The following PPP2R5E variants were observed in gnomAD, a reference collection of about 807,000 sequenced individuals.
PPP2R5E encodes serine/threonine-protein phosphatase 2A 56 kDa regulatory subunit epsilon isoform.
In PPP2R5E, 4 loss-of-function variants were observed where a neutral mutation model predicts 65.3. That is an observed-to-expected ratio of 0.06 (90% CI 0.03 to 0.14). The LOEUF is 0.14. Among genes scored for constraint, PPP2R5E ranks in the 10% least tolerant of loss-of-function variants. The pLI, the probability that PPP2R5E is intolerant of heterozygous loss-of-function variation, is 1.00. For synonymous variants in PPP2R5E, 183 were observed against 187.4 expected, an observed-to-expected ratio of 0.98 and a Z score of 0.19; for missense variants, 274 against 556.1, an observed-to-expected ratio of 0.49 and a Z score of 5.10.
intron 2 of PPP2R5E, among the ~76,000 whole-genome samples, chr14:63,484,098 C>A (rs1252684658): frequency 1.3e-5 from 2 of 150,582 alleles, no homozygotes; most frequent in African/African-American, 4.9e-5. Context: ...AAAAAACTCC[C>A]AAGGAGTTAG....
chr14:63,423,486 C>T (rs570385821), intron 3 of PPP2R5E, among the ~76,000 whole-genome samples: 10 of 152,226 alleles, frequency 6.6e-5, no homozygotes, highest in African/African-American at 1.9e-4. Flanking sequence ...TTTCTTGCCC[C>T]ACTCACCCAC....
intron 4 of PPP2R5E, among the ~76,000 whole-genome samples, chr14:63,416,010 G>T (rs940695055): frequency 6.6e-6 from 1 of 152,202 alleles, no homozygotes; most frequent in East Asian, 1.9e-4. Flanking sequence ...CGGATCATAA[G>T]ATGGTGTGGC....
At chr14:63,415,308 AAC>A in intron 4 of PPP2R5E, 76 bp from the exon 5 acceptor site, 1 of 1,020,770 alleles carries the variant, frequency 9.8e-7, no homozygotes, top group East Asian at 2.6e-5. Flanking sequence ...AAAAGCCTGT[AAC>A]ACTAAAAGTG....
chr14:63,430,400 TGC>T (rs2139919672), intron 3 of PPP2R5E, among the ~76,000 whole-genome samples: 1 of 141,848 alleles, frequency 7.0e-6, no homozygotes, highest in East Asian at 2.0e-4. Flanking sequence ...CATACATACA[TGC>T]ATACATACAT....
At chr14:63,433,646 C>T (rs1485344959) in intron 3 of PPP2R5E, among the ~76,000 whole-genome samples, 1 of 151,936 alleles carries the variant, frequency 6.6e-6, no homozygotes, top group Non-Finnish European at 1.5e-5. Context: ...TCCCCAAGTC[C>T]AGATTCCCTC....
At chr14:63,520,729 T>C (rs954971698) in intron 2 of PPP2R5E, among the ~76,000 whole-genome samples, 16 of 152,058 alleles carry the variant, frequency 1.1e-4, no homozygotes, top group Admixed American at 9.2e-4. Context: ...GAAAAACACA[T>C]GCGTGGCCAG....
At chr14:63,382,544 G>A (rs1010721884) in intron 12 of PPP2R5E, among the ~76,000 whole-genome samples, 2 of 152,068 alleles carry the variant, frequency 1.3e-5, no homozygotes, top group Non-Finnish European at 2.9e-5. Context: ...TGGGATTACA[G>A]AAGCGAGCCA....
In PPP2R5E at chr14:63,374,661, ATATATAT is replaced by A. The variant is rs1335321735; in HGVS notation, c.*1341_*1347del. The A allele has an allele frequency of 3.8e-5, 5 of 131,946 alleles. No homozygotes were observed. Among genetic ancestry groups the A allele is most frequent in the African/African-American group, 1.6e-4 (5 of 30,382 alleles). The allele number at this position is 131,946 out of a possible 1,614,324, so 8.2% of individuals were successfully genotyped here. On this transcript the variant is annotated 3_prime_UTR_variant, in exon 14 of 14. Transcript: ENST00000337537. ...TATATATATATATATATATATATAT[ATATATAT>A]AAAATACAGCCCTAGATTTTGTTTT... is the stretch of plus-strand genomic sequence containing the variant.
At chr14:63,464,820 C>T (rs1001536278) in intron 2 of PPP2R5E, among the ~76,000 whole-genome samples, 5 of 151,994 alleles carry the variant, frequency 3.3e-5, no homozygotes, top group African/African-American at 1.2e-4. Flanking sequence ...GTCAGGAGTT[C>T]AAAACCAGCC....
rs1469241549 is a variant in PPP2R5E, at chr14:63,390,395, C to T, written c.955-664G>A. 3.3e-5 allele frequency among the ~76,000 whole-genome samples: 5 copies of T among 151,824 alleles called. 1 individual carries two copies. The South Asian group carries it at 8.3e-4, about 25-fold the overall frequency. ...ACTCAGCACCGGGTGCCGCAAGAAA[C>T]AGAGTTTTTAGATCACAATATGGAG... On this transcript the variant is annotated intron_variant, in intron 10 of 13. Coordinates refer to ENST00000337537, the MANE Select transcript of PPP2R5E (RefSeq NM_006246.5).
chr14:63,469,253 G>C (rs1431970662), intron 2 of PPP2R5E, among the ~76,000 whole-genome samples: 1 of 151,960 alleles, frequency 6.6e-6, no homozygotes, highest in Non-Finnish European at 1.5e-5. Context: ...AAATATAAAA[G>C]TTAAAACATT....
intron 12 of PPP2R5E, 64 bp from the exon 13 acceptor site, chr14:63,382,221 A>G: frequency 2.4e-6 from 3 of 1,248,768 alleles, no homozygotes; most frequent in Middle Eastern, 1.9e-4. Context: ...CTGAATGAAG[A>G]AAGCAAAAGC....
chr14:63,448,280 G>C (rs370243310), intron 3 of PPP2R5E, among the ~76,000 whole-genome samples: 6 of 152,084 alleles, frequency 3.9e-5, no homozygotes, highest in Non-Finnish European at 8.8e-5. Context: ...CTGGGCGACA[G>C]AGCGGGACTC....
intron 5 of PPP2R5E, among the ~76,000 whole-genome samples, chr14:63,403,295 G>C (rs1418076337): frequency 6.7e-6 from 1 of 149,782 alleles, no homozygotes; most frequent in Non-Finnish European, 1.5e-5. Context: ...TGGCGTGGTG[G>C]CATACACCTG....
intron 3 of PPP2R5E, among the ~76,000 whole-genome samples, chr14:63,432,732 C>T (rs567212943): frequency 6.6e-6 from 1 of 152,080 alleles, no homozygotes; most frequent in Admixed American, 6.5e-5. Context: ...TTGAGCTGGC[C>T]CCCTCTATGC....
At chr14:63,384,647 C>G in intron 11 of PPP2R5E, 76 bp from the exon 12 acceptor site, 2 of 1,284,790 alleles carry the variant, frequency 1.6e-6, no homozygotes. Context: ...TCTTTCCAAA[C>G]AAAAGTATTT....
chr14:63,472,902 T>C (rs1221870443), intron 2 of PPP2R5E, among the ~76,000 whole-genome samples: 2 of 152,132 alleles, frequency 1.3e-5, no homozygotes, highest in Admixed American at 6.5e-5. Context: ...GCAAACATAA[T>C]GAGAAGTGTT....
At chr14:63,422,996 GT>G (rs1430066401) in intron 3 of PPP2R5E, among the ~76,000 whole-genome samples, 1 of 152,172 alleles carries the variant, frequency 6.6e-6, no homozygotes, top group Non-Finnish European at 1.5e-5. Context: ...TTAAACAATG[GT>G]TGTTCAAAAC....
intron 2 of PPP2R5E, among the ~76,000 whole-genome samples, chr14:63,484,334 TTCTCTC>T (rs1322678985): frequency 8.0e-6 from 1 of 125,236 alleles, no homozygotes; most frequent in Non-Finnish European, 1.8e-5. Context: ...TTCTTTCTCT[TTCTCTC>T]TCTCTCTCAC....
Sources: gnomAD v4.1 joint callset for allele counts (sites outside exome capture counted in the v4.1 genomes callset) on GRCh38, gnomAD v4.1.1 for gene constraint, MANE v1.5 for transcripts, NCBI Gene and HGNC (gene_info 2026-07-23, HGNC 2026-07-21) for gene names.